Variants in IQGAP1 observed in about 807,000 individuals in gnomAD.
IQGAP1 encodes the protein ras GTPase-activating-like protein IQGAP1.
In IQGAP1, 66 loss-of-function variants were observed where a neutral mutation model predicts 215.6. The ratio of observed to expected loss-of-function variants is 0.31; its 90% CI spans 0.25 to 0.38. IQGAP1 has a LOEUF of 0.38. Among genes scored for constraint, IQGAP1 ranks in the 10% least tolerant of loss-of-function variants. The pLI is 1.00. For synonymous variants in IQGAP1, 772 were observed against 728.7 expected (o/e 1.06, Z -0.96); for missense variants, 1,712 against 1,997.1 (o/e 0.86, Z 2.72).
chr15:90,399,069 C>T (rs895882062), intron 2 of IQGAP1, among the ~76,000 whole-genome samples: 5 of 150,390 alleles, frequency 3.3e-5, no homozygotes, highest in African/African-American at 4.9e-5. Context: ...GATACTCCTA[C>T]CTCAGCTTCT....
chr15:90,467,981 A>C (rs947756780), intron 18 of IQGAP1, among the ~76,000 whole-genome samples: 1 of 152,054 alleles, frequency 6.6e-6, no homozygotes, highest in African/African-American at 2.4e-5. Flanking sequence ...ATTTTCATAG[A>C]GCTTTTAAAG....
intron 26 of IQGAP1, among the ~76,000 whole-genome samples, chr15:90,479,702 C>T (rs904614879): frequency 3.3e-5 from 5 of 151,810 alleles, no homozygotes; most frequent in South Asian, 2.1e-4. Context: ...GCCTTGATGG[C>T]GCCACTGCAC....
At chr15:90,477,262 C>T (rs1191595869) in intron 25 of IQGAP1, 32 bp downstream of exon 25, 2 of 1,592,378 alleles carry the variant, frequency 1.3e-6, no homozygotes, top group South Asian at 1.1e-5. Context: ...GCACAGGCCC[C>T]TTCCCACTAT....
chr15:90,498,209 C>T (rs187600847), intron 37 of IQGAP1, among the ~76,000 whole-genome samples: 113 of 152,208 alleles, frequency 7.4e-4, no homozygotes, highest in Middle Eastern at 3.4e-3. Context: ...CCCCTCTCCC[C>T]GCTAAAGCCA....
At chr15:90,427,991 C>G (rs544005428) in intron 3 of IQGAP1, among the ~76,000 whole-genome samples, 1 of 152,152 alleles carries the variant, frequency 6.6e-6, no homozygotes, top group African/African-American at 2.4e-5. Flanking sequence ...AGGTACTCAG[C>G]CAAAATTAAC....
At chr15:90,428,666 C>A (rs1965260781) in intron 3 of IQGAP1, among the ~76,000 whole-genome samples, 2 of 151,982 alleles carry the variant, frequency 1.3e-5, no homozygotes, top group African/African-American at 4.8e-5. Context: ...ACTCGTAGTC[C>A]CAGCTACTCA....
intron 2 of IQGAP1, among the ~76,000 whole-genome samples, chr15:90,400,745 C>T (rs184348101): frequency 7.9e-5 from 12 of 152,182 alleles, no homozygotes; most frequent in African/African-American, 1.2e-4. Flanking sequence ...TTTAATGTCC[C>T]TAATGACAAA....
intron 26 of IQGAP1, 85 bp from the exon 27 acceptor site, chr15:90,481,875 A>T: frequency 7.1e-7 from 1 of 1,415,418 alleles, no homozygotes; most frequent in East Asian, 2.3e-5. Flanking sequence ...TCTGGGTCTT[A>T]TAGTTTATGA....
intron 7 of IQGAP1, among the ~76,000 whole-genome samples, chr15:90,440,856 C>T (rs1965438782): frequency 1.3e-5 from 2 of 152,182 alleles, no homozygotes; most frequent in Admixed American, 1.3e-4. Context: ...CGCCTGTAAT[C>T]CCAGCACTTC....
At chr15:90,470,568 C>CA (rs1965891648) in intron 18 of IQGAP1, among the ~76,000 whole-genome samples, 1 of 152,010 alleles carries the variant, frequency 6.6e-6, no homozygotes, top group African/African-American at 2.4e-5. Flanking sequence ...AATAATAATA[C>CA]AAAATTTTTT....
intron 2 of IQGAP1, among the ~76,000 whole-genome samples, chr15:90,397,370 G>T (rs1281831017): frequency 6.6e-6 from 1 of 152,114 alleles, no homozygotes; most frequent in African/African-American, 2.4e-5. Context: ...TGTGAGTTCT[G>T]ATTCTGGTTT....
chr15:90,491,128 A>G (rs1450659131), intron 33 of IQGAP1, among the ~76,000 whole-genome samples: 1 of 152,170 alleles, frequency 6.6e-6, no homozygotes, highest in African/African-American at 2.4e-5. Context: ...GATTTTGTAG[A>G]TATCATCTCT....
intron 5 of IQGAP1, among the ~76,000 whole-genome samples, chr15:90,437,595 G>A (rs1489316101): frequency 1.3e-5 from 2 of 152,048 alleles, no homozygotes; most frequent in African/African-American, 4.8e-5. Flanking sequence ...AGGCTGGAAC[G>A]CAGAGGTGTG....
intron 32 of IQGAP1, 97 bp downstream of exon 32, chr15:90,487,186 C>G: frequency 8.3e-7 from 1 of 1,201,438 alleles, no homozygotes; most frequent in Non-Finnish European, 1.2e-6. Flanking sequence ...AATGACCATC[C>G]TGACCTCTCG....
chr15:90,393,557 T>TC (rs1165334324), intron 2 of IQGAP1: 1 of 152,192 alleles, frequency 6.6e-6, no homozygotes, highest in African/African-American at 2.4e-5. Context: ...CTCTAGTGAT[T>TC]CCGATGCTCC....
At chr15:90,486,922 C>T (rs769907798) in intron 31 of IQGAP1, 32 bp from the exon 32 acceptor site, 23 of 1,606,972 alleles carry the variant, frequency 1.4e-5, no homozygotes, top group East Asian at 8.9e-5. Flanking sequence ...CTCTTTATTA[C>T]GCTGACTCTT....
chr15:90,469,226 C>T (rs936781724), intron 18 of IQGAP1, among the ~76,000 whole-genome samples: 11 of 152,034 alleles, frequency 7.2e-5, no homozygotes, highest in Admixed American at 6.6e-4. Context: ...TCCTGTAGGT[C>T]GTTAGACATA....
At chr15:90,444,255 GTGTGTGTGTGTGTGTGTGTGTGTGTATA>G (rs1965492813) in intron 9 of IQGAP1, among the ~76,000 whole-genome samples, 1 of 111,548 alleles carries the variant, frequency 9.0e-6, no homozygotes, top group Admixed American at 9.0e-5. Flanking sequence ...GTGTGTGTGT[GTGTGTGTGTGTGTGTGTGTGTGTGTATA>G]TATATATTTT....
chr15:90,431,192 A>AGC (rs2151015739), intron 4 of IQGAP1: 2 of 152,018 alleles, frequency 1.3e-5, no homozygotes, highest in African/African-American at 4.8e-5. Flanking sequence ...GTCTTTGCAG[A>AGC]AGACTAGCTT....
Sources: allele counts gnomAD v4.1 joint callset (sites outside exome capture counted in the v4.1 genomes callset), GRCh38; gene constraint gnomAD v4.1.1; transcripts MANE v1.5; gene names NCBI Gene and HGNC (gene_info 2026-07-23, HGNC 2026-07-21).